Variants in EBF1 observed in about 807,000 individuals in gnomAD.
EBF1 encodes EBF transcription factor 1.
A neutral mutation model predicts 68.4 loss-of-function variants in EBF1; 10 were observed. The observed-to-expected ratio is 0.15, with a 90% CI of 0.09 to 0.25. The LOEUF (loss-of-function observed/expected upper bound fraction) is 0.25. Ranked by LOEUF, EBF1 falls within the 10% of genes least tolerant of loss-of-function variation. EBF1 has a pLI of 1.00. For synonymous variants in EBF1, 298 were observed against 299.8 expected, an observed-to-expected ratio of 0.99 and a Z score of 0.06; for missense variants, 509 against 794.4, an observed-to-expected ratio of 0.64 and a Z score of 4.32.
intron 7 of EBF1, among the ~76,000 whole-genome samples, chr5:158,831,942 T>C (rs1048012609): frequency 6.6e-6 from 1 of 152,206 alleles, no homozygotes; most frequent in Non-Finnish European, 1.5e-5. Context: ...GCCAATGTGC[T>C]TGACAGGACT....
chr5:158,864,172 C>T (rs1347627174), intron 6 of EBF1, among the ~76,000 whole-genome samples: 1 of 132,574 alleles, frequency 7.5e-6, no homozygotes, highest in Admixed American at 9.0e-5. Context: ...TGCAGTGAGC[C>T]AAGATCATGC....
intron 6 of EBF1, among the ~76,000 whole-genome samples, chr5:158,891,163 CAAT>C (rs1169687253): frequency 6.6e-6 from 1 of 152,156 alleles, no homozygotes; most frequent in Non-Finnish European, 1.5e-5. Context: ...TTGAGCACAA[CAAT>C]GCTTTCTGAT....
At chr5:158,707,770 C>T (rs1193211810) in intron 15 of EBF1, 1 of 570,016 alleles carries the variant, frequency 1.8e-6, no homozygotes, top group Non-Finnish European at 3.0e-6. Flanking sequence ...TTCTTGAGCA[C>T]CTCCAGCAGA....
At chr5:159,093,456 A>T (rs1418354975) in intron 4 of EBF1, among the ~76,000 whole-genome samples, 1 of 152,172 alleles carries the variant, frequency 6.6e-6, no homozygotes, top group Admixed American at 6.5e-5. Context: ...TGACTTTCTC[A>T]TAAGTGCTAT....
At chr5:158,760,965 C>T (rs1448966183) in intron 10 of EBF1, among the ~76,000 whole-genome samples, 6 of 152,114 alleles carry the variant, frequency 3.9e-5, no homozygotes, top group Non-Finnish European at 7.4e-5. Flanking sequence ...CTCTTTTAGA[C>T]ACAATGCCTT....
chr5:158,871,047 A>T (rs1272291593), intron 6 of EBF1, among the ~76,000 whole-genome samples: 2 of 152,240 alleles, frequency 1.3e-5, no homozygotes, highest in Admixed American at 6.5e-5. Context: ...CAGAAGGAAA[A>T]AAATACTCTC....
intron 6 of EBF1, among the ~76,000 whole-genome samples, chr5:158,988,178 C>T (rs1279916371): frequency 6.6e-6 from 1 of 152,154 alleles, no homozygotes; most frequent in African/African-American, 2.4e-5. Context: ...GCCAGCCATC[C>T]GCAGTGGACC....
intron 10 of EBF1, among the ~76,000 whole-genome samples, chr5:158,774,210 C>A (rs182489246): frequency 1.3e-5 from 2 of 152,160 alleles, no homozygotes; most frequent in African/African-American, 4.8e-5. Context: ...TCTGAAGAAC[C>A]AATGAGGGAG....
chr5:159,012,603 C>T (rs1257250316), intron 6 of EBF1, among the ~76,000 whole-genome samples: 1 of 152,048 alleles, frequency 6.6e-6, no homozygotes, highest in African/African-American at 2.4e-5. Flanking sequence ...CCTCTCACTT[C>T]AGCCTCCTGA....
chr5:158,719,957 T>C (rs2127512839), intron 11 of EBF1, among the ~76,000 whole-genome samples: 1 of 151,932 alleles, frequency 6.6e-6, no homozygotes, highest in African/African-American at 2.4e-5. Context: ...CAAAGTCAAG[T>C]TGAGTTGGGT....
At chr5:158,876,574 A>G (rs1797845759) in intron 6 of EBF1, among the ~76,000 whole-genome samples, 1 of 152,206 alleles carries the variant, frequency 6.6e-6, no homozygotes, top group Non-Finnish European at 1.5e-5. Context: ...CTGTACTGCA[A>G]GAACTTCAGG....
intron 8 of EBF1, among the ~76,000 whole-genome samples, chr5:158,812,229 T>A (rs1333975418): frequency 6.6e-6 from 1 of 152,174 alleles, no homozygotes; most frequent in Non-Finnish European, 1.5e-5. Context: ...GCAAATGAAC[T>A]AAAGAGGAAT....
At chr5:158,820,445 C>T (rs1461811585) in intron 8 of EBF1, among the ~76,000 whole-genome samples, 1 of 152,134 alleles carries the variant, frequency 6.6e-6, no homozygotes, top group Non-Finnish European at 1.5e-5. Flanking sequence ...AATAGTCATC[C>T]TTTGCTGAGT....
intron 6 of EBF1, among the ~76,000 whole-genome samples, chr5:158,991,273 G>C (rs1760270042): frequency 6.6e-6 from 1 of 152,046 alleles, no homozygotes; most frequent in Non-Finnish European, 1.5e-5. Context: ...TTTTATTATT[G>C]ATGACATCAT....
At chr5:158,919,417 G>A (rs1807911453) in intron 6 of EBF1, among the ~76,000 whole-genome samples, 1 of 152,080 alleles carries the variant, frequency 6.6e-6, no homozygotes, top group Admixed American at 6.5e-5. Flanking sequence ...CTTGATGCCT[G>A]CAATATTTTA....
chr5:158,912,004 A>G (rs1806088940), intron 6 of EBF1, among the ~76,000 whole-genome samples: 1 of 152,298 alleles, frequency 6.6e-6, no homozygotes, highest in Non-Finnish European at 1.5e-5. Context: ...CCATTTCTCC[A>G]AGTTCATTTC....
intron 4 of EBF1, 28 bp downstream of exon 4, chr5:159,095,592 C>A: frequency 6.2e-7 from 1 of 1,613,118 alleles, no homozygotes; most frequent in Non-Finnish European, 8.5e-7. Context: ...ACATAGAGCC[C>A]CCCGTGGCCC....
Position 158,698,585 on chromosome 5 carries a change from C to T in EBF1, c.*526G>A, listed in dbSNP as rs543737446. 67 of 221,762 alleles carry T rather than the reference C, an allele frequency of 3.0e-4. No individual in the cohort carries two copies. The highest frequency in any genetic ancestry group is 1.3e-3 in the African/African-American group (58 of 44,608). The allele number at this position is 221,762 out of a possible 1,614,324, so 13.7% of individuals were successfully genotyped here. ...TTGATATGCTTTAAGGCGCAAAAGC[C>T]GACCCTTAGTTTTTCTAAAAAATCT... On this transcript the variant is annotated 3_prime_UTR_variant, in exon 16 of 16. Transcript: ENST00000313708.
Position 158,713,083 on chromosome 5 carries a change from T to C in EBF1, c.1256A>G (p.Asn419Ser). The C allele has an allele frequency of 2.5e-6, 4 of 1,599,324 alleles. No homozygotes were observed. Among genetic ancestry groups the C allele is most frequent in the African/African-American group, 1.3e-5 (1 of 74,404 alleles). The change falls in exon 13 of 16, where the codon AAC (asparagine) becomes AGC (serine). Residue 419 changes from asparagine (N) to serine (S), a missense_variant. Coordinates refer to ENST00000313708, the MANE Select transcript of EBF1 (RefSeq NM_024007.5). ...EALYSVPRNH[N>S]QLPALANTSV... The stretch of plus-strand genomic sequence containing the variant: ...GGTGTTAGCAAGGGCCGGGAGTTGG[T>C]TGTGGTTGCGGGGAACACTGTACAG...
Sources: gnomAD v4.1 joint callset for allele counts (sites outside exome capture counted in the v4.1 genomes callset) on GRCh38, gnomAD v4.1.1 for gene constraint, MANE v1.5 for transcripts, NCBI Gene and HGNC (gene_info 2026-07-23, HGNC 2026-07-21) for gene names.